CTSC: variants seen among roughly 807,000 people sequenced by gnomAD.
CTSC encodes the protein cathepsin C.
CTSC carries 37 observed loss-of-function variants against 40.9 expected under a neutral mutation model. That is an observed-to-expected ratio of 0.91 (90% CI 0.70 to 1.19). The LOEUF is 1.19. Ranked by LOEUF, CTSC falls within the 50% of genes most tolerant of loss-of-function variation. The pLI is 0.00. For synonymous variants in CTSC, 232 were observed against 207.4 expected, an observed-to-expected ratio of 1.12 and a Z score of -1.02; for missense variants, 594 against 567.3, an observed-to-expected ratio of 1.05 and a Z score of -0.48.
intron 6 of CTSC, among the ~76,000 whole-genome samples, chr11:88,295,401 CAG>C (rs1050133403): frequency 6.6e-6 from 1 of 151,338 alleles, no homozygotes; most frequent in African/African-American, 2.4e-5. Context: ...TTTTTCATAA[CAG>C]GGCCTCACTC....
intron 2 of CTSC, among the ~76,000 whole-genome samples, chr11:88,329,617 A>G (rs1252558183): frequency 1.3e-5 from 2 of 152,238 alleles, no homozygotes; most frequent in Admixed American, 6.5e-5. Flanking sequence ...AACAAAGTAC[A>G]TAAGAGCATA....
chr11:88,315,780 G>T (rs1259097052), intron 2 of CTSC, among the ~76,000 whole-genome samples: 2 of 150,052 alleles, frequency 1.3e-5, no homozygotes, highest in East Asian at 4.0e-4. Context: ...AGCCAGAGAG[G>T]TAAACAATTA....
chr11:88,296,076 C>T (rs528477791), intron 6 of CTSC, 57 bp downstream of exon 6: 2 of 1,599,008 alleles, frequency 1.3e-6, no homozygotes, highest in East Asian at 2.2e-5. Context: ...TTGCCAACAA[C>T]AGCCAGCTGC....
At chr11:88,309,060 G>C in intron 4 of CTSC, 103 bp downstream of exon 4, 1 of 973,220 alleles carries the variant, frequency 1.0e-6, no homozygotes, top group African/African-American at 1.6e-5. Context: ...TTACAACTGG[G>C]ATGACCAATA....
intron 4 of CTSC, among the ~76,000 whole-genome samples, chr11:88,305,095 C>A (rs1414804722): frequency 6.8e-5 from 10 of 146,620 alleles, no homozygotes; most frequent in African/African-American, 7.5e-5. Flanking sequence ...GAGACTCTGT[C>A]AAAAAAAAAA....
chr11:88,336,669 T>A (rs1308185749), intron 1 of CTSC, among the ~76,000 whole-genome samples: 1 of 152,230 alleles, frequency 6.6e-6, no homozygotes, highest in Non-Finnish European at 1.5e-5. Context: ...GCTGATTTTT[T>A]ACTGACTCTG....
intron 2 of CTSC, among the ~76,000 whole-genome samples, chr11:88,331,555 C>T (rs1194592404): frequency 6.6e-6 from 1 of 152,226 alleles, no homozygotes; most frequent in Admixed American, 6.5e-5. Flanking sequence ...ATGATGAGTT[C>T]TTCTTCACCT....
At chr11:88,326,038 A>G (rs1591239706) in intron 2 of CTSC, 1 of 1,077,370 alleles carries the variant, frequency 9.3e-7, no homozygotes, top group East Asian at 6.1e-5. Flanking sequence ...CAATCTTAGA[A>G]AAAAATCACT....
At chr11:88,320,530 G>C (rs1312334260) in intron 2 of CTSC, among the ~76,000 whole-genome samples, 1 of 152,204 alleles carries the variant, frequency 6.6e-6, no homozygotes, top group Non-Finnish European at 1.5e-5. Context: ...AGGCTTTGGG[G>C]AACCCCTGCA....
chr11:88,306,687 C>A (rs1362731786), intron 4 of CTSC, among the ~76,000 whole-genome samples: 1 of 152,204 alleles, frequency 6.6e-6, no homozygotes. Context: ...CTCCACCACT[C>A]AATAAAACCT....
chr11:88,309,392 C>T, intron 3 of CTSC, 74 bp from the exon 4 acceptor site: 1 of 1,263,786 alleles, frequency 7.9e-7, no homozygotes, highest in Non-Finnish European at 1.2e-6. Context: ...CAGGCATTCA[C>T]ACTCTGTGCC....
At chr11:88,331,422 A>G (rs1938351296) in intron 2 of CTSC, among the ~76,000 whole-genome samples, 1 of 152,208 alleles carries the variant, frequency 6.6e-6, no homozygotes, top group South Asian at 2.1e-4. Context: ...GATTTATTAC[A>G]AAGGATATTT....
chr11:88,322,100 T>A (rs1017183827), intron 2 of CTSC: 1 of 152,214 alleles, frequency 6.6e-6, no homozygotes, highest in African/African-American at 2.4e-5. Flanking sequence ...ATGGGGCTCC[T>A]TTTTTCTTGT....
intron 2 of CTSC, among the ~76,000 whole-genome samples, chr11:88,333,712 C>T (rs1022625830): frequency 4.6e-5 from 7 of 152,080 alleles, no homozygotes; most frequent in Non-Finnish European, 7.4e-5. Context: ...AAAAAAAATG[C>T]GTAGCATCTG....
chr11:88,312,966 C>A (rs1182618095), intron 2 of CTSC, among the ~76,000 whole-genome samples: 1 of 152,200 alleles, frequency 6.6e-6, no homozygotes, highest in Non-Finnish European at 1.5e-5. Flanking sequence ...GGAGCTCCTA[C>A]CAAGGCAACA....
intron 2 of CTSC, among the ~76,000 whole-genome samples, chr11:88,329,032 C>G (rs1163221651): frequency 6.6e-6 from 1 of 152,148 alleles, no homozygotes; most frequent in Non-Finnish European, 1.5e-5. Context: ...AATAAAATTT[C>G]CAGCCATAAT....
rs1446547634 is a variant in CTSC at position 88,294,143 on chromosome 11, C to T, written c.1255G>A (p.Gly419Arg). ...TTTTTAACAATCCAGTAATCCATCC[C>T]AGAGGCTGAGTCAGTGCCATAGCCC... is the stretch of plus-strand genomic sequence containing the variant. ...LVGYGTDSAS[G>R]MDYWIVKNSW... The change falls in exon 7 of 7, where the codon GGG becomes AGG. Residue 419 changes from glycine (G) to arginine (R), a missense_variant. Coordinates refer to ENST00000227266, the MANE Select transcript of CTSC (RefSeq NM_001814.6). 6.2e-7 allele frequency: 1 copy of T among 1,613,914 alleles called. No homozygotes were observed. Among genetic ancestry groups the T allele is most frequent in the Admixed American group, 1.7e-5 (1 of 59,952 alleles).
At position 88,293,669 on chromosome 11, in the gene CTSC, C is replaced by A; in HGVS notation, c.*337G>T. The stretch of plus-strand genomic sequence containing the variant: ...TTTTGATAATTATTGCCATTATTTT[C>A]TTGTGATTGGTACAATTTAAAAATA... On this transcript the variant is annotated 3_prime_UTR_variant, in exon 7 of 7. Coordinates refer to ENST00000227266, the MANE Select transcript of CTSC (RefSeq NM_001814.6). 3.8e-6 allele frequency: 1 copy of A among 261,292 alleles called. No individual in the cohort carries two copies. Among genetic ancestry groups the A allele is most frequent in the Non-Finnish European group, 7.4e-6 (1 of 135,246 alleles). 16.2% of individuals were successfully genotyped at this position (261,292 alleles called of 1,614,324 possible).
chr11:88,301,991 C>T (rs1362876786), intron 4 of CTSC, among the ~76,000 whole-genome samples: 1 of 152,140 alleles, frequency 6.6e-6, no homozygotes, highest in Non-Finnish European at 1.5e-5. Context: ...TTTTCCCTAA[C>T]TTGTAATTTT....
Sources: gnomAD v4.1 joint callset for allele counts (sites outside exome capture counted in the v4.1 genomes callset) on GRCh38, gnomAD v4.1.1 for gene constraint, MANE v1.5 for transcripts, NCBI Gene and HGNC (gene_info 2026-07-23, HGNC 2026-07-21) for gene names.